Variants in ANO3 observed in about 807,000 individuals in gnomAD.
ANO3 encodes anoctamin 3.
In ANO3, 99 loss-of-function variants were observed where a neutral mutation model predicts 144.8. The observed-to-expected ratio is 0.68, with a 90% CI of 0.58 to 0.81. The LOEUF (loss-of-function observed/expected upper bound fraction) is 0.81. Ranked by LOEUF, ANO3 falls within the 30% of genes least tolerant of loss-of-function variation. ANO3 has a pLI of 0.00. For synonymous variants in ANO3, 414 were observed against 392.6 expected (o/e 1.05, Z -0.64); for missense variants, 905 against 1,202.2 (o/e 0.75, Z 3.66).
At chr11:26,640,310 A>G (rs1319831251) in intron 21 of ANO3, among the ~76,000 whole-genome samples, 1 of 152,178 alleles carries the variant, frequency 6.6e-6, no homozygotes, top group Non-Finnish European at 1.5e-5. Flanking sequence ...CTTCATCATA[A>G]ACGACAGAAC....
At chr11:26,507,987 A>T in intron 4 of ANO3, 117 bp from the exon 5 acceptor site, 1 of 842,006 alleles carries the variant, frequency 1.2e-6, no homozygotes, top group Non-Finnish European at 1.8e-6. Flanking sequence ...TCATGGTAGG[A>T]ATATTAAAAA....
chr11:26,402,693 C>A (rs946477432), intron 1 of ANO3, among the ~76,000 whole-genome samples: 7 of 151,856 alleles, frequency 4.6e-5, no homozygotes, highest in Admixed American at 4.6e-4. Flanking sequence ...GAACAATACA[C>A]ACTGGGGACT....
At chr11:26,325,151 C>A (rs144877308) in intron 1 of ANO3, among the ~76,000 whole-genome samples, 1 of 152,042 alleles carries the variant, frequency 6.6e-6, no homozygotes, top group East Asian at 1.9e-4. Flanking sequence ...AATAAAACCA[C>A]GAATATGGAA....
At position 26,293,112 on chromosome 11, in the gene ANO3, C is replaced by T. The variant is rs553080940; in HGVS notation, c.155-16533C>T. On this transcript the variant is annotated intron_variant, in intron 1 of 27. Coordinates refer to the ANO3 transcript ENST00000672621. The stretch of plus-strand genomic sequence containing the variant: ...TCAGCTTCACTTTAATCCAAATCCT[C>T]TAATGAATATATTTAATACCCATTT... Among the ~76,000 whole-genome samples the T allele has an allele frequency of 1.4e-3, 216 of 152,290 alleles. 1 individual carries two copies. Among genetic ancestry groups the T allele is most frequent in the African/African-American group, 5.0e-3 (206 of 41,572 alleles).
chr11:26,381,752 A>C (rs192313315), intron 1 of ANO3, among the ~76,000 whole-genome samples: 1 of 152,294 alleles, frequency 6.6e-6, no homozygotes. Flanking sequence ...TATTGCCAAC[A>C]ATGTCTGGAG....
chr11:26,574,857 G>A (rs995087209), intron 14 of ANO3, among the ~76,000 whole-genome samples: 2 of 152,104 alleles, frequency 1.3e-5, no homozygotes, highest in Admixed American at 6.5e-5. Flanking sequence ...CAATGCCCTT[G>A]GTTAAGCAGA....
intron 1 of ANO3, among the ~76,000 whole-genome samples, chr11:26,416,551 C>G (rs145474636): frequency 6.6e-6 from 1 of 151,988 alleles, no homozygotes; most frequent in African/African-American, 2.4e-5. Flanking sequence ...ATCAACCTCC[C>G]GAGTAGCTGG....
At chr11:26,342,658 A>T (rs1391887057) in intron 1 of ANO3, among the ~76,000 whole-genome samples, 1 of 152,224 alleles carries the variant, frequency 6.6e-6, no homozygotes, top group African/African-American at 2.4e-5. Context: ...AAATAGACTA[A>T]GACAACTTTG....
intron 1 of ANO3, among the ~76,000 whole-genome samples, chr11:26,349,441 T>A (rs1855578663): frequency 6.6e-6 from 1 of 152,220 alleles, no homozygotes; most frequent in African/African-American, 2.4e-5. Flanking sequence ...ATTATCAATA[T>A]CAGCATTTTC....
At position 26,519,275 on chromosome 11, in the gene ANO3, T is replaced by C. The variant is rs189837578; in HGVS notation, c.692+2348T>C. Among the ~76,000 whole-genome samples the C allele has an allele frequency of 4.4e-3, 667 of 152,298 alleles. 6 individuals carry two copies. The highest frequency in any genetic ancestry group is 0.015 in the African/African-American group (634 of 41,568). ...ATAAAATATGCTCAAAGAGAGAGCA[T>C]GTCTTCCACCTGCCTCCTCTAGACT... On this transcript the variant is annotated intron_variant, in intron 6 of 26. Coordinates refer to ENST00000256737, the MANE Select transcript of ANO3 (RefSeq NM_031418.4).
intron 13 of ANO3, among the ~76,000 whole-genome samples, chr11:26,554,691 A>C (rs1440572745): frequency 1.3e-5 from 2 of 151,980 alleles, no homozygotes; most frequent in Non-Finnish European, 2.9e-5. Flanking sequence ...GGCTGGTCTG[A>C]CTCCAGTCTC....
chr11:26,576,828 G>A (rs1410933739), intron 14 of ANO3, among the ~76,000 whole-genome samples: 1 of 152,152 alleles, frequency 6.6e-6, no homozygotes, highest in Non-Finnish European at 1.5e-5. Context: ...CAGAGTAAAT[G>A]CTGGATAAAC....
chr11:26,327,057 T>C (rs1320259378), intron 1 of ANO3, among the ~76,000 whole-genome samples: 1 of 152,224 alleles, frequency 6.6e-6, no homozygotes, highest in East Asian at 1.9e-4. Context: ...GACTTGTACG[T>C]AAATTTCAAA....
At chr11:26,212,538 A>C (rs937987021) in intron 1 of ANO3, among the ~76,000 whole-genome samples, 2 of 152,098 alleles carry the variant, frequency 1.3e-5, no homozygotes, top group African/African-American at 4.8e-5. Context: ...ATTTAGAATA[A>C]ATGGATAAAT....
chr11:26,332,579 T>C (rs926138924), intron 1 of ANO3, among the ~76,000 whole-genome samples: 5 of 151,744 alleles, frequency 3.3e-5, no homozygotes, highest in African/African-American at 1.2e-4. Flanking sequence ...CTGTGAAGAC[T>C]GTTTCAATGC....
At chr11:26,555,447 C>T (rs1850056977) in intron 13 of ANO3, among the ~76,000 whole-genome samples, 1 of 152,124 alleles carries the variant, frequency 6.6e-6, no homozygotes, top group Non-Finnish European at 1.5e-5. Flanking sequence ...AGTAAGGAAG[C>T]CGTCCAAGGA....
At chr11:26,649,783 C>G (rs1320840133) in intron 24 of ANO3, among the ~76,000 whole-genome samples, 2 of 151,802 alleles carry the variant, frequency 1.3e-5, no homozygotes, top group African/African-American at 4.8e-5. Context: ...GAAGTGGTGT[C>G]TGAAATAAGA....
intron 14 of ANO3, among the ~76,000 whole-genome samples, chr11:26,587,356 A>C (rs1412080329): frequency 6.6e-6 from 1 of 152,216 alleles, no homozygotes; most frequent in Non-Finnish European, 1.5e-5. Context: ...ATCCATTTAC[A>C]TACCTGAGAG....
intron 12 of ANO3, among the ~76,000 whole-genome samples, chr11:26,552,336 ATG>A (rs1244372641): frequency 6.6e-6 from 1 of 152,032 alleles, no homozygotes; most frequent in African/African-American, 2.4e-5. Context: ...TCAAGTACAA[ATG>A]TGTAAAAACA....
Sources: gnomAD v4.1 joint callset for allele counts (sites outside exome capture counted in the v4.1 genomes callset) on GRCh38, gnomAD v4.1.1 for gene constraint, MANE v1.5 for transcripts, NCBI Gene and HGNC (gene_info 2026-07-23, HGNC 2026-07-21) for gene names.